Variants in SUPT3H observed in about 807,000 individuals in gnomAD.
The protein encoded by SUPT3H is SPT3 homolog, SAGA and STAGA complex component.
SUPT3H carries 44 observed loss-of-function variants against 44.3 expected under a neutral mutation model. The ratio of observed to expected loss-of-function variants is 0.99; its 90% CI spans 0.78 to 1.28. The LOEUF (loss-of-function observed/expected upper bound fraction) is 1.28. Among genes scored for constraint, SUPT3H ranks in the 50% most tolerant of loss-of-function variants. The pLI is 0.00. For missense variants in SUPT3H, 380 were observed against 387.1 expected (o/e 0.98, Z 0.15); for synonymous variants, 124 against 125.6 (o/e 0.99, Z 0.09).
chr6:45,293,026 G>A (rs1244937161), intron 2 of SUPT3H, among the ~76,000 whole-genome samples: 1 of 151,970 alleles, frequency 6.6e-6, no homozygotes, highest in Non-Finnish European at 1.5e-5. Flanking sequence ...AACAACCACA[G>A]AATATACATT....
intron 2 of SUPT3H, among the ~76,000 whole-genome samples, chr6:45,276,588 G>C (rs1017096083): frequency 6.6e-6 from 1 of 152,128 alleles, no homozygotes; most frequent in African/African-American, 2.4e-5. Context: ...AACCCTAGCT[G>C]ATTTTCTGAT....
At chr6:45,223,488 T>A (rs1270277335) in intron 2 of SUPT3H, among the ~76,000 whole-genome samples, 1 of 152,014 alleles carries the variant, frequency 6.6e-6, no homozygotes, top group African/African-American at 2.4e-5. Context: ...GAAATTCCAA[T>A]CTAAAATTTC....
intron 10 of SUPT3H, among the ~76,000 whole-genome samples, chr6:44,846,288 A>G (rs892769946): frequency 1.3e-5 from 2 of 152,190 alleles, no homozygotes; most frequent in African/African-American, 4.8e-5. Context: ...CCTCAACTTA[A>G]TGCAAAAGGC....
intron 3 of SUPT3H, among the ~76,000 whole-genome samples, chr6:45,074,591 A>C (rs1336817196): frequency 6.6e-6 from 1 of 152,030 alleles, no homozygotes; most frequent in African/African-American, 2.4e-5. Flanking sequence ...AAAAGGGCAC[A>C]CTCTATGTAA....
rs759263726 is a variant in SUPT3H at position 45,377,823 on chromosome 6, G to C, written c.-56C>G. 6.5e-6 allele frequency: 1 copy of C among 154,046 alleles called. No homozygotes were observed. Among genetic ancestry groups the C allele is most frequent in the African/African-American group, 2.4e-5 (1 of 41,490 alleles). The allele number at this position is 154,046 out of a possible 1,614,324, so 9.5% of individuals were successfully genotyped here. ...TGCGCTTCCCGCGAGGAGAATGTGG[G>C]GGTGGAGATGGTGCGGTTTCTGCTG... On this transcript the variant is annotated 5_prime_UTR_variant, in exon 1 of 11. Transcript: ENST00000371459.
chr6:45,217,391 C>G (rs1765238944), intron 2 of SUPT3H, among the ~76,000 whole-genome samples: 1 of 151,988 alleles, frequency 6.6e-6, no homozygotes, highest in African/African-American at 2.4e-5. Flanking sequence ...AAGACAATCA[C>G]TTGAACCCAG....
chr6:45,302,581 T>C (rs1345213659), intron 2 of SUPT3H, among the ~76,000 whole-genome samples: 2 of 144,604 alleles, frequency 1.4e-5, no homozygotes, highest in Non-Finnish European at 3.0e-5. Flanking sequence ...ATTTATCTAC[T>C]TATTGATTGA....
At chr6:44,989,824 C>G (rs942600140) in intron 6 of SUPT3H, among the ~76,000 whole-genome samples, 17 of 151,840 alleles carry the variant, frequency 1.1e-4, no homozygotes, top group African/African-American at 3.9e-4. Flanking sequence ...TCGTCAGGTC[C>G]TTTGTTCCTT....
At chr6:45,048,301 C>T (rs573272771) in intron 3 of SUPT3H, among the ~76,000 whole-genome samples, 1 of 140,840 alleles carries the variant, frequency 7.1e-6, no homozygotes, top group South Asian at 2.2e-4. Flanking sequence ...ACTTCTGTTG[C>T]CTATGCTTTT....
At chr6:45,281,513 T>C (rs941375725) in intron 2 of SUPT3H, among the ~76,000 whole-genome samples, 2 of 152,228 alleles carry the variant, frequency 1.3e-5, no homozygotes, top group East Asian at 3.9e-4. Context: ...CAGTCTGAGA[T>C]CAAACTGCAA....
At chr6:45,230,244 T>C (rs948962139) in intron 2 of SUPT3H, among the ~76,000 whole-genome samples, 2 of 152,178 alleles carry the variant, frequency 1.3e-5, no homozygotes, top group Non-Finnish European at 2.9e-5. Context: ...GTTAAGTCCA[T>C]TTGGTCTAAA....
chr6:45,163,227 T>C (rs187085824), intron 2 of SUPT3H, among the ~76,000 whole-genome samples: 8 of 152,278 alleles, frequency 5.3e-5, no homozygotes, highest in East Asian at 1.9e-4. Context: ...AGTAATAATG[T>C]CATGAAAGAC....
chr6:45,305,746 T>G (rs1386604313), intron 2 of SUPT3H, among the ~76,000 whole-genome samples: 3 of 152,104 alleles, frequency 2.0e-5, no homozygotes, highest in African/African-American at 7.2e-5. Context: ...CTTTCCCAAC[T>G]CCACACCTGC....
chr6:44,986,572 A>G (rs1035721644), intron 6 of SUPT3H, among the ~76,000 whole-genome samples: 1 of 152,144 alleles, frequency 6.6e-6, no homozygotes, highest in Non-Finnish European at 1.5e-5. Flanking sequence ...TTGAGTTGAG[A>G]TGCAGAATGA....
chr6:45,142,689 T>G (rs1005983851), intron 2 of SUPT3H, among the ~76,000 whole-genome samples: 1 of 130,998 alleles, frequency 7.6e-6, no homozygotes. Flanking sequence ...TGAGCAGAGA[T>G]TGTGCCATTG....
rs1317693762 is a variant in SUPT3H at position 44,871,233 on chromosome 6, G to A, written c.913-41376C>T. Among the ~76,000 whole-genome samples, 3 of 124,698 alleles carry A rather than the reference G, an allele frequency of 2.4e-5. 1 individual carries two copies. The highest frequency in any genetic ancestry group is 2.6e-4 in the East Asian group (1 of 3,832). The allele number at this position is 124,698 out of a possible 152,430, so 81.8% of individuals were successfully genotyped here. On this transcript the variant is annotated intron_variant, in intron 10 of 10. Coordinates refer to ENST00000371459, the MANE Select transcript of SUPT3H (RefSeq NM_003599.4). ...CAAAAAGACAGCAGTAACCTCTGCA[G>A]ACTTAAGTGTCCCTGTCTGACAGCT...
chr6:45,340,562 G>A (rs949911962), intron 2 of SUPT3H, among the ~76,000 whole-genome samples: 2 of 151,832 alleles, frequency 1.3e-5, no homozygotes, highest in Non-Finnish European at 2.9e-5. Flanking sequence ...GGGCTCAAGC[G>A]ATCCTCCCAC....
intron 10 of SUPT3H, among the ~76,000 whole-genome samples, chr6:44,891,037 G>A (rs1016872707): frequency 1.3e-5 from 2 of 152,018 alleles, no homozygotes; most frequent in Non-Finnish European, 2.9e-5. Flanking sequence ...TAGATGACGG[G>A]TTGATGGGTG....
Position 45,355,027 on chromosome 6 carries a change from T to A in SUPT3H, c.101+10174A>T, listed in dbSNP as rs560626080. On this transcript the variant is annotated intron_variant, in intron 2 of 10. Coordinates refer to ENST00000371459, the MANE Select transcript of SUPT3H (RefSeq NM_003599.4). Reference sequence around the variant, plus strand: ...TCTCACTCTGTCACCCAGGCTAAAGTGCAGTGGTACGATCACAGGTCACTG... The same window carrying A: ...TCTCACTCTGTCACCCAGGCTAAAGAGCAGTGGTACGATCACAGGTCACTG... 1.3e-4 allele frequency among the ~76,000 whole-genome samples: 20 copies of A among 152,164 alleles called. No homozygotes were observed. In the South Asian group the frequency reaches 4.2e-3, roughly 32 times the overall value.
Sources: allele counts gnomAD v4.1 joint callset (sites outside exome capture counted in the v4.1 genomes callset), GRCh38; gene constraint gnomAD v4.1.1; transcripts MANE v1.5; gene names NCBI Gene and HGNC (gene_info 2026-07-23, HGNC 2026-07-21).